TRPC4AP: variants seen among roughly 807,000 people sequenced by gnomAD.
TRPC4AP encodes the protein short transient receptor potential channel 4-associated protein.
A neutral mutation model predicts 99.0 loss-of-function variants in TRPC4AP; 45 were observed. That is an observed-to-expected ratio of 0.45 (90% CI 0.36 to 0.58). The LOEUF is 0.58. Ranked by LOEUF, TRPC4AP falls within the 20% of genes least tolerant of loss-of-function variation. The pLI is 0.00. For missense variants in TRPC4AP, 879 were observed against 985.3 expected, an observed-to-expected ratio of 0.89 and a Z score of 1.44; for synonymous variants, 408 against 385.8, an observed-to-expected ratio of 1.06 and a Z score of -0.67.
At chr20:35,027,561 CT>C (rs1453692789) in intron 8 of TRPC4AP, among the ~76,000 whole-genome samples, 2 of 152,108 alleles carry the variant, frequency 1.3e-5, no homozygotes, top group African/African-American at 4.8e-5. Flanking sequence ...GTTCCTTCCT[CT>C]TTTATTTTCT....
In TRPC4AP at chr20:35,092,641, G is replaced by T. The variant is rs1186982864; in HGVS notation, c.141C>A (p.Thr47=). ...ILLQLRQGQL[T]GRGLVRAVQF... ...GCACCGCCCGGACCAGGCCCCGGCC[G>T]GTCAGCTGGCCCTGCCGCAGCTGCA... The change falls in exon 1 of 19, where the codon ACC becomes ACA. Residue 47 remains threonine (T), a synonymous_variant. Transcript: ENST00000252015. 2 of 1,421,736 alleles carry T rather than the reference G, an allele frequency of 1.4e-6. No homozygotes were observed. The highest frequency in any genetic ancestry group is 9.2e-7 in the Non-Finnish European group (1 of 1,082,202). The allele number at this position is 1,421,736 out of a possible 1,614,324, so 88.1% of individuals were successfully genotyped here. A position where few individuals can be genotyped will look rare whatever the true frequency, so the allele number is the denominator to read the frequency against.
At chr20:35,011,827 T>C (rs2082644862) in intron 11 of TRPC4AP, among the ~76,000 whole-genome samples, 1 of 152,250 alleles carries the variant, frequency 6.6e-6, no homozygotes, top group Non-Finnish European at 1.5e-5. Flanking sequence ...AAGCCACTTC[T>C]GCAGGGGAGA....
intron 8 of TRPC4AP, 137 bp downstream of exon 8, chr20:35,034,986 C>G (rs1357721037): frequency 1.1e-6 from 1 of 876,940 alleles, no homozygotes; most frequent in Non-Finnish European, 1.7e-6. Context: ...TCTTAATAGT[C>G]ATGGTCTAGA....
chr20:35,060,025 A>G (rs2083956291), intron 3 of TRPC4AP, among the ~76,000 whole-genome samples: 2 of 152,174 alleles, frequency 1.3e-5, no homozygotes, highest in South Asian at 4.1e-4. Context: ...AAAAACAACA[A>G]TAACAAAAAA....
chr20:35,073,200 A>G (rs2084370681), intron 2 of TRPC4AP, among the ~76,000 whole-genome samples: 2 of 152,332 alleles, frequency 1.3e-5, no homozygotes, highest in South Asian at 4.1e-4. Context: ...TTTTCTAAAT[A>G]TACAATCATG....
intron 11 of TRPC4AP, 95 bp from the exon 12 acceptor site, chr20:35,010,383 T>C (rs1174759715): frequency 4.9e-6 from 5 of 1,015,958 alleles, no homozygotes; most frequent in Non-Finnish European, 7.5e-6. Context: ...CCACTTCCTG[T>C]GGACAGAATC....
At chr20:35,087,257 T>C (rs1017401425) in intron 1 of TRPC4AP, among the ~76,000 whole-genome samples, 2 of 148,384 alleles carry the variant, frequency 1.3e-5, no homozygotes, top group Admixed American at 6.8e-5. Flanking sequence ...GAGAATGGCA[T>C]GAACCTGGGA....
chr20:35,080,337 CAA>C (rs776620007), intron 1 of TRPC4AP, among the ~76,000 whole-genome samples: 11 of 126,618 alleles, frequency 8.7e-5, no homozygotes, highest in Admixed American at 4.1e-4. Context: ...CCCACCTCTA[CAA>C]AAAAAAAAAA....
At chr20:35,057,153 CA>C (rs1278020741) in intron 4 of TRPC4AP, among the ~76,000 whole-genome samples, 7 of 151,914 alleles carry the variant, frequency 4.6e-5, no homozygotes, top group Non-Finnish European at 8.8e-5. Context: ...GAACTTTTTA[CA>C]AAGAGCATGT....
At chr20:35,054,497 G>A (rs577358357) in intron 5 of TRPC4AP, among the ~76,000 whole-genome samples, 11 of 152,244 alleles carry the variant, frequency 7.2e-5, no homozygotes, top group East Asian at 1.9e-4. Flanking sequence ...CTAACACTAA[G>A]TGCCATCCTC....
chr20:35,079,706 C>T (rs1232932147), intron 1 of TRPC4AP, among the ~76,000 whole-genome samples: 3 of 152,098 alleles, frequency 2.0e-5, no homozygotes, highest in Admixed American at 1.3e-4. Flanking sequence ...TTATTACTGA[C>T]TCCATGGACT....
intron 4 of TRPC4AP, among the ~76,000 whole-genome samples, chr20:35,055,837 T>G (rs6142285): frequency 0.35 from 53,658 of 152,142 alleles, 10,356 homozygotes; most frequent in East Asian, 0.59. Flanking sequence ...TCTGATCTAT[T>G]ACTAATTCTT....
intron 8 of TRPC4AP, among the ~76,000 whole-genome samples, chr20:35,028,259 G>C (rs2083078605): frequency 1.4e-5 from 2 of 144,104 alleles, no homozygotes; most frequent in Non-Finnish European, 3.1e-5. Flanking sequence ...GCTGTAGTGT[G>C]ATCTCGGCTC....
At chr20:35,016,306 C>T (rs1049403519) in intron 9 of TRPC4AP, among the ~76,000 whole-genome samples, 167 bp from the exon 10 acceptor site, 6 of 152,208 alleles carry the variant, frequency 3.9e-5, no homozygotes, top group African/African-American at 1.2e-4. Context: ...ATGCCCAGCA[C>T]ACACAAACCC....
At chr20:35,089,034 A>G (rs2084964716) in intron 1 of TRPC4AP, among the ~76,000 whole-genome samples, 1 of 121,406 alleles carries the variant, frequency 8.2e-6, no homozygotes, top group South Asian at 2.8e-4. Context: ...TTACTTAACT[A>G]TACACCTTTT....
At chr20:35,073,524 T>A (rs1463403131) in intron 2 of TRPC4AP, among the ~76,000 whole-genome samples, 1 of 151,850 alleles carries the variant, frequency 6.6e-6, no homozygotes, top group African/African-American at 2.4e-5. Flanking sequence ...TTTCTGCACC[T>A]ATTATCATGT....
At chr20:35,011,951 C>T (rs1386176506) in intron 11 of TRPC4AP, among the ~76,000 whole-genome samples, 1 of 152,200 alleles carries the variant, frequency 6.6e-6, no homozygotes, top group Non-Finnish European at 1.5e-5. Context: ...CGGTGGAATC[C>T]TTGGATGAAC....
intron 1 of TRPC4AP, among the ~76,000 whole-genome samples, chr20:35,084,610 A>G (rs2084765727): frequency 9.2e-6 from 1 of 108,506 alleles, no homozygotes; most frequent in Admixed American, 9.6e-5. Context: ...GTGTATATGT[A>G]TATATGTTTA....
At chr20:35,010,489 G>A (rs926222237) in intron 11 of TRPC4AP, among the ~76,000 whole-genome samples, 6 of 152,032 alleles carry the variant, frequency 3.9e-5, no homozygotes, top group Non-Finnish European at 8.8e-5. Flanking sequence ...ATCTCTCCCT[G>A]GCCCCACCCC....
Sources: gnomAD v4.1 joint callset for allele counts (sites outside exome capture counted in the v4.1 genomes callset) on GRCh38, gnomAD v4.1.1 for gene constraint, MANE v1.5 for transcripts, NCBI Gene and HGNC (gene_info 2026-07-23, HGNC 2026-07-21) for gene names.